TMEM45A: variants seen among roughly 807,000 people sequenced by gnomAD.
TMEM45A encodes the protein transmembrane protein 45A.
A neutral mutation model predicts 32.0 loss-of-function variants in TMEM45A; 25 were observed. That is an observed-to-expected ratio of 0.78 (90% CI 0.57 to 1.09). TMEM45A has a LOEUF of 1.09. TMEM45A is among the 50% of genes least tolerant of loss of function. The probability of loss-of-function intolerance (pLI) is 0.00; values close to 1 mark genes in which losing one functional copy is unlikely to be tolerated. For synonymous variants in TMEM45A, 122 were observed against 114.8 expected (o/e 1.06, Z -0.40); for missense variants, 302 against 325.0 (o/e 0.93, Z 0.54).
intron 3 of TMEM45A, 72 bp downstream of exon 3, chr3:100,557,044 T>C (rs561170524): frequency 7.5e-6 from 11 of 1,469,130 alleles, no homozygotes; most frequent in Admixed American, 6.7e-5. Flanking sequence ...CATATTAATA[T>C]ACCTCTGGCA....
intron 1 of TMEM45A, among the ~76,000 whole-genome samples, chr3:100,535,537 C>T (rs1183292189): frequency 6.6e-6 from 1 of 152,152 alleles, no homozygotes; most frequent in Non-Finnish European, 1.5e-5. Context: ...AAACTTCTCC[C>T]TGCCCTACTT....
chr3:100,495,173 G>A (rs758767346), intron 1 of TMEM45A, among the ~76,000 whole-genome samples: 12 of 152,226 alleles, frequency 7.9e-5, no homozygotes, highest in Non-Finnish European at 1.5e-4. Context: ...AGGAGAGAGA[G>A]TCTTGAATGA....
intron 1 of TMEM45A, among the ~76,000 whole-genome samples, chr3:100,516,153 A>G (rs550926622): frequency 5.3e-5 from 8 of 152,294 alleles, no homozygotes; most frequent in Admixed American, 5.2e-4. Flanking sequence ...TGTTAAAAAG[A>G]GAGAGCATAG....
intron 1 of TMEM45A, among the ~76,000 whole-genome samples, chr3:100,510,738 G>T (rs1300669605): frequency 7.2e-5 from 11 of 152,266 alleles, no homozygotes; most frequent in Admixed American, 3.3e-4. Context: ...AAATTTAGAA[G>T]AATGTATAAC....
chr3:100,577,112 C>A lies in TMEM45A; in HGVS notation c.*94C>A. On this transcript the variant is annotated 3_prime_UTR_variant, in exon 6 of 6. Coordinates refer to ENST00000323523, the MANE Select transcript of TMEM45A (RefSeq NM_018004.3). ...GATCTTTTGTTTGGAGAACAGCTGG[C>A]TAAGGATGACTCTAAGTGTACTGTT... The A allele has an allele frequency of 1.0e-6, 1 of 956,852 alleles. No individual in the cohort carries two copies. The highest frequency in any genetic ancestry group is 1.6e-6 in the Non-Finnish European group (1 of 625,910). The allele number at this position is 956,852 out of a possible 1,614,324, so 59.3% of individuals were successfully genotyped here.
At chr3:100,509,481 C>G (rs906933524) in intron 1 of TMEM45A, among the ~76,000 whole-genome samples, 3 of 152,226 alleles carry the variant, frequency 2.0e-5, no homozygotes, top group Non-Finnish European at 2.9e-5. Context: ...GATACCTGTA[C>G]TCCCATGTTT....
chr3:100,553,779 C>T (rs1438218320), intron 1 of TMEM45A, among the ~76,000 whole-genome samples: 1 of 152,202 alleles, frequency 6.6e-6, no homozygotes, highest in Admixed American at 6.5e-5. Flanking sequence ...AGGACCTGCA[C>T]ATAGCACTAT....
chr3:100,544,407 G>A (rs777758657), intron 1 of TMEM45A, among the ~76,000 whole-genome samples: 28 of 152,080 alleles, frequency 1.8e-4, no homozygotes, highest in Admixed American at 5.9e-4. Flanking sequence ...CATCTTTTAA[G>A]AGTATAATTT....
intron 1 of TMEM45A, among the ~76,000 whole-genome samples, chr3:100,520,097 G>A (rs773902430): frequency 2.0e-5 from 3 of 152,150 alleles, no homozygotes; most frequent in Non-Finnish European, 2.9e-5. Context: ...TATACATGGA[G>A]CTTTCATTCT....
At chr3:100,506,495 C>CT (rs1056570451) in intron 1 of TMEM45A, among the ~76,000 whole-genome samples, 2 of 152,178 alleles carry the variant, frequency 1.3e-5, no homozygotes, top group African/African-American at 4.8e-5. Flanking sequence ...TTTTTGTACC[C>CT]TTAAAGAGTC....
chr3:100,501,026 C>T (rs1576255097), intron 1 of TMEM45A, among the ~76,000 whole-genome samples: 1 of 151,118 alleles, frequency 6.6e-6, no homozygotes, highest in Non-Finnish European at 1.5e-5. Context: ...TTAAAAACAC[C>T]TACACAATAT....
chr3:100,505,952 T>C (rs149722816), intron 1 of TMEM45A, among the ~76,000 whole-genome samples: 123 of 152,288 alleles, frequency 8.1e-4, no homozygotes, highest in Non-Finnish European at 1.2e-3. Flanking sequence ...TTAGAGTTCA[T>C]GGAACAGAGT....
In TMEM45A at chr3:100,542,484, C is replaced by G. The variant is rs561080944; in HGVS notation, c.-3-12725C>G. 3.4e-4 allele frequency among the ~76,000 whole-genome samples: 52 copies of G among 152,210 alleles called. 1 individual carries two copies. Among genetic ancestry groups the G allele is most frequent in the Admixed American group, 1.3e-4 (2 of 15,288 alleles). On this transcript the variant is annotated intron_variant, in intron 1 of 5. Transcript: ENST00000323523. ...ACCTAATTAAACTAAAGATCTTCTG[C>G]AGAGCAAAATAAACTATCAGCAGAG... is the stretch of plus-strand genomic sequence containing the variant.
intron 4 of TMEM45A, among the ~76,000 whole-genome samples, chr3:100,568,223 G>A (rs535486406): frequency 5.9e-5 from 9 of 152,128 alleles, no homozygotes; most frequent in Non-Finnish European, 2.9e-5. Context: ...ATTTTTAAAG[G>A]AATTTCTATA....
At chr3:100,520,154 A>G (rs1393824492) in intron 1 of TMEM45A, among the ~76,000 whole-genome samples, 2 of 152,344 alleles carry the variant, frequency 1.3e-5, no homozygotes, top group South Asian at 4.1e-4. Context: ...AATTATGGGT[A>G]TATTAAAAGG....
At chr3:100,523,513 A>G (rs1553681308) in intron 1 of TMEM45A, among the ~76,000 whole-genome samples, 1 of 152,254 alleles carries the variant, frequency 6.6e-6, no homozygotes, top group Admixed American at 6.5e-5. Flanking sequence ...CAATTATGAT[A>G]TGCATGAGAA....
intron 1 of TMEM45A, among the ~76,000 whole-genome samples, chr3:100,514,670 A>G (rs1374729095): frequency 1.3e-5 from 2 of 152,200 alleles, no homozygotes; most frequent in Admixed American, 6.5e-5. Context: ...AAAACAAACT[A>G]CCATCAGAGT....
At chr3:100,539,450 T>TATGCATATAC (rs60074458) in intron 1 of TMEM45A, among the ~76,000 whole-genome samples, 1 of 115,010 alleles carries the variant, frequency 8.7e-6, no homozygotes, top group Non-Finnish European at 1.7e-5. Flanking sequence ...TATGTATATG[T>TATGCATATAC]ATATGTATAT....
At chr3:100,539,466 T>TATAC (rs1369804663) in intron 1 of TMEM45A, among the ~76,000 whole-genome samples, 3 of 136,146 alleles carry the variant, frequency 2.2e-5, no homozygotes, top group Non-Finnish European at 4.8e-5. Context: ...TATATGTATA[T>TATAC]GTATATGTAT....
Sources: gnomAD v4.1 joint callset for allele counts (sites outside exome capture counted in the v4.1 genomes callset) on GRCh38, gnomAD v4.1.1 for gene constraint, MANE v1.5 for transcripts, NCBI Gene and HGNC (gene_info 2026-07-23, HGNC 2026-07-21) for gene names.